The following EPHA6 variants were observed in gnomAD, a reference collection of about 807,000 sequenced individuals.
EPHA6 encodes EPH receptor A6.
EPHA6 carries 50 observed loss-of-function variants against 112.0 expected under a neutral mutation model. That is an observed-to-expected ratio of 0.45 (90% CI 0.36 to 0.56). The LOEUF (loss-of-function observed/expected upper bound fraction) is 0.56. Among genes scored for constraint, EPHA6 ranks in the 20% least tolerant of loss-of-function variants. The pLI is 0.00. For synonymous variants in EPHA6, 529 were observed against 490.7 expected, an observed-to-expected ratio of 1.08 and a Z score of -1.03; for missense variants, 1,280 against 1,417.4, an observed-to-expected ratio of 0.90 and a Z score of 1.56.
chr3:96,994,081 A>T (rs2043314561), intron 3 of EPHA6: 1 of 210,662 alleles, frequency 4.7e-6, no homozygotes, highest in Non-Finnish European at 9.9e-6. Context: ...AATATTGTTA[A>T]GGCTTACCTG....
chr3:97,191,416 A>T (rs1392305957), intron 3 of EPHA6, among the ~76,000 whole-genome samples: 1 of 151,876 alleles, frequency 6.6e-6, no homozygotes, highest in African/African-American at 2.4e-5. Flanking sequence ...GATCTTATTC[A>T]TTCTAGCTAA....
chr3:97,653,776 G>A (rs1016204053), intron 14 of EPHA6, among the ~76,000 whole-genome samples: 2 of 151,880 alleles, frequency 1.3e-5, no homozygotes, highest in African/African-American at 4.8e-5. Context: ...TGAATGAATG[G>A]ATAAAGAAAA....
At chr3:97,006,106 T>C (rs1221918952) in intron 3 of EPHA6, among the ~76,000 whole-genome samples, 1 of 152,178 alleles carries the variant, frequency 6.6e-6, no homozygotes, top group Admixed American at 6.5e-5. Context: ...TTCCCAGTTT[T>C]GGTATCAGGA....
At chr3:97,122,746 A>G (rs551632562) in intron 3 of EPHA6, among the ~76,000 whole-genome samples, 88 of 152,158 alleles carry the variant, frequency 5.8e-4, no homozygotes, top group Non-Finnish European at 1.1e-3. Context: ...AATTGTATAG[A>G]ATTCTTTATA....
At chr3:97,684,626 CCCATCTGCCCT>C (rs1228773346) in intron 14 of EPHA6, among the ~76,000 whole-genome samples, 5 of 152,140 alleles carry the variant, frequency 3.3e-5, no homozygotes, top group South Asian at 2.1e-4. Flanking sequence ...TCCAGAAACA[CCCATCTGCCCT>C]CCATGCTGAA....
At chr3:96,922,557 G>C (rs996205590) in intron 2 of EPHA6, among the ~76,000 whole-genome samples, 1 of 152,088 alleles carries the variant, frequency 6.6e-6, no homozygotes, top group Admixed American at 6.6e-5. Flanking sequence ...GAATTAAAAT[G>C]TTATGATATC....
At chr3:97,656,099 A>G (rs1163613644) in intron 14 of EPHA6, among the ~76,000 whole-genome samples, 1 of 151,968 alleles carries the variant, frequency 6.6e-6, no homozygotes, top group African/African-American at 2.4e-5. Flanking sequence ...AGAGAACAAT[A>G]TATGTTATAA....
chr3:97,217,659 A>C (rs2078070308), intron 3 of EPHA6, among the ~76,000 whole-genome samples: 1 of 152,196 alleles, frequency 6.6e-6, no homozygotes, highest in African/African-American at 2.4e-5. Context: ...AGTTGTGTAG[A>C]TATATCACAA....
chr3:97,631,263 CT>C (rs1309034194), intron 13 of EPHA6, among the ~76,000 whole-genome samples: 1 of 151,948 alleles, frequency 6.6e-6, no homozygotes. Context: ...AGATGCCCAT[CT>C]TTTGTCTCTT....
At chr3:97,544,651 G>A (rs1466037205) in intron 11 of EPHA6, among the ~76,000 whole-genome samples, 1 of 152,176 alleles carries the variant, frequency 6.6e-6, no homozygotes, top group Non-Finnish European at 1.5e-5. Flanking sequence ...GATTAGAATA[G>A]TTTCAGAAGG....
chr3:97,266,893 TAGATAAGCTAATTTATGTATA>T (rs1008877234), intron 5 of EPHA6, among the ~76,000 whole-genome samples: 7 of 152,162 alleles, frequency 4.6e-5, no homozygotes, highest in Non-Finnish European at 1.0e-4. Flanking sequence ...GATTTGCGTT[TAGATAAGCTAATTTATGTATA>T]AGGTATGTTT....
At chr3:96,974,206 A>G (rs1168922552) in intron 2 of EPHA6, among the ~76,000 whole-genome samples, 1 of 147,310 alleles carries the variant, frequency 6.8e-6, no homozygotes, top group South Asian at 2.1e-4. Flanking sequence ...TTAAAATTAT[A>G]TTATTAATTA....
chr3:97,597,231 T>A (rs1027099717), intron 12 of EPHA6, among the ~76,000 whole-genome samples: 1 of 152,134 alleles, frequency 6.6e-6, no homozygotes, highest in Non-Finnish European at 1.5e-5. Flanking sequence ...TTTGCCTGCC[T>A]GTGCTTTAAG....
chr3:97,162,292 A>G (rs959110301), intron 3 of EPHA6, among the ~76,000 whole-genome samples: 1 of 152,182 alleles, frequency 6.6e-6, no homozygotes, highest in Admixed American at 6.5e-5. Flanking sequence ...AGACAATTCT[A>G]GTACCTTCCA....
At chr3:97,410,520 G>A (rs975855544) in intron 6 of EPHA6, among the ~76,000 whole-genome samples, 4 of 151,926 alleles carry the variant, frequency 2.6e-5, no homozygotes, top group African/African-American at 9.7e-5. Context: ...TTCTCTGCCT[G>A]TCCCTTTCCC....
At chr3:97,023,061 G>A (rs892655952) in intron 3 of EPHA6, among the ~76,000 whole-genome samples, 11 of 152,058 alleles carry the variant, frequency 7.2e-5, no homozygotes, top group African/African-American at 2.7e-4. Flanking sequence ...TAAAGTATCT[G>A]TGGATCCAAT....
At chr3:96,820,671 A>G (rs28712450) in intron 1 of EPHA6, among the ~76,000 whole-genome samples, 2,754 of 152,200 alleles carry the variant, frequency 0.018, 70 homozygotes, top group African/African-American at 0.05. Context: ...GATTCAGTTC[A>G]AACAATAATT....
chr3:97,455,620 A>G (rs957682345), intron 7 of EPHA6, among the ~76,000 whole-genome samples: 2 of 152,008 alleles, frequency 1.3e-5, no homozygotes, highest in Non-Finnish European at 2.9e-5. Flanking sequence ...GTCTTTGAAT[A>G]TAAGCGGATT....
chr3:97,287,669 C>T (rs1168053735), intron 5 of EPHA6, among the ~76,000 whole-genome samples: 1 of 152,052 alleles, frequency 6.6e-6, no homozygotes, highest in African/African-American at 2.4e-5. Flanking sequence ...TTGTGATGAT[C>T]ATGTTATTTG....
Sources: gnomAD v4.1 joint callset for allele counts (sites outside exome capture counted in the v4.1 genomes callset) on GRCh38, gnomAD v4.1.1 for gene constraint, MANE v1.5 for transcripts, NCBI Gene and HGNC (gene_info 2026-07-23, HGNC 2026-07-21) for gene names.